The following ZNF385D variants were observed in gnomAD, a reference collection of about 807,000 sequenced individuals.
ZNF385D encodes the protein zinc finger protein 385D.
Under a neutral mutation model 35.8 loss-of-function variants are expected in ZNF385D, and 15 were observed. The ratio of observed to expected loss-of-function variants is 0.42; its 90% CI spans 0.28 to 0.64. ZNF385D has a LOEUF of 0.64. Among genes scored for constraint, ZNF385D ranks in the 30% least tolerant of loss-of-function variants. The pLI, the probability that ZNF385D is intolerant of heterozygous loss-of-function variation, is 0.23. For synonymous variants in ZNF385D, 212 were observed against 186.8 expected, an observed-to-expected ratio of 1.13 and a Z score of -1.10; for missense variants, 474 against 494.6, an observed-to-expected ratio of 0.96 and a Z score of 0.39.
chr3:22,342,569 T>C (rs1695474838), intron 2 of ZNF385D, among the ~76,000 whole-genome samples: 1 of 152,090 alleles, frequency 6.6e-6, no homozygotes, highest in African/African-American at 2.4e-5. Flanking sequence ...GTATGACAAT[T>C]ACCCAAAGAA....
intron 3 of ZNF385D, among the ~76,000 whole-genome samples, chr3:21,535,180 C>T (rs2062008570): frequency 6.6e-6 from 1 of 152,126 alleles, no homozygotes; most frequent in South Asian, 2.1e-4. Context: ...CAGTACCTAT[C>T]ACTGATCCTG....
At chr3:22,328,266 T>C (rs1336154660) in intron 2 of ZNF385D, among the ~76,000 whole-genome samples, 1 of 152,100 alleles carries the variant, frequency 6.6e-6, no homozygotes, top group East Asian at 1.9e-4. Flanking sequence ...GGAGTCCTTT[T>C]TTTCTCCCCT....
intron 3 of ZNF385D, among the ~76,000 whole-genome samples, chr3:22,088,414 C>A (rs1240008626): frequency 1.3e-5 from 2 of 152,138 alleles, no homozygotes; most frequent in Non-Finnish European, 2.9e-5. Context: ...TTGTTGTATC[C>A]TAGGACACTT....
intron 3 of ZNF385D, among the ~76,000 whole-genome samples, chr3:21,981,320 G>A (rs1209893556): frequency 6.6e-6 from 1 of 152,108 alleles, no homozygotes; most frequent in Non-Finnish European, 1.5e-5. Flanking sequence ...AATGATCAGT[G>A]ATATAGAGAT....
intron 3 of ZNF385D, among the ~76,000 whole-genome samples, chr3:21,781,411 A>C (rs1273050738): frequency 6.6e-6 from 1 of 152,062 alleles, no homozygotes; most frequent in Admixed American, 6.6e-5. Flanking sequence ...TCCTCCTTAC[A>C]CTTCATCTGA....
At chr3:21,881,210 G>A (rs1168092997) in intron 3 of ZNF385D, among the ~76,000 whole-genome samples, 1 of 151,696 alleles carries the variant, frequency 6.6e-6, no homozygotes, top group Non-Finnish European at 1.5e-5. Context: ...ATTGAAAGAG[G>A]ATGTCATTTA....
intron 3 of ZNF385D, among the ~76,000 whole-genome samples, chr3:21,769,797 G>A: frequency 7.2e-6 from 1 of 138,056 alleles, no homozygotes; most frequent in Non-Finnish European, 1.5e-5. Flanking sequence ...TAAGCCAAAA[G>A]AAAAAAGCTG....
At chr3:22,344,286 C>A (rs11928943) in intron 2 of ZNF385D, among the ~76,000 whole-genome samples, 44,327 of 151,760 alleles carry the variant, frequency 0.29, 6,716 homozygotes, top group East Asian at 0.35. Context: ...TTCATCTCTA[C>A]TCACTACTGA....
intron 3 of ZNF385D, among the ~76,000 whole-genome samples, chr3:21,841,430 T>C (rs1250167889): frequency 2.1e-5 from 3 of 143,874 alleles, no homozygotes; most frequent in Non-Finnish European, 3.1e-5. Flanking sequence ...TTAAAGAACA[T>C]TTCATTTTAA....
At chr3:22,216,765 G>C (rs1006324062) in intron 2 of ZNF385D, among the ~76,000 whole-genome samples, 3 of 152,094 alleles carry the variant, frequency 2.0e-5, no homozygotes, top group African/African-American at 4.8e-5. Context: ...TTCCTTTGCA[G>C]TTAGAAGTGG....
At chr3:22,002,444 T>C (rs754360099) in intron 3 of ZNF385D, among the ~76,000 whole-genome samples, 3 of 152,036 alleles carry the variant, frequency 2.0e-5, no homozygotes, top group African/African-American at 4.8e-5. Context: ...TAAAAAGTCT[T>C]CCAGAAAAGA....
At chr3:22,261,416 A>G (rs1700625537) in intron 2 of ZNF385D, among the ~76,000 whole-genome samples, 1 of 152,030 alleles carries the variant, frequency 6.6e-6, no homozygotes. Flanking sequence ...AGGCTAGTAA[A>G]TAATCATTAA....
intron 2 of ZNF385D, among the ~76,000 whole-genome samples, chr3:22,254,472 TTA>T (rs1262257849): frequency 2.0e-5 from 3 of 151,872 alleles, no homozygotes; most frequent in African/African-American, 7.2e-5. Flanking sequence ...TTCCATGTGT[TTA>T]TATCAGTGTT....
chr3:21,963,786 C>T (rs1457266504), intron 3 of ZNF385D, among the ~76,000 whole-genome samples: 1 of 151,860 alleles, frequency 6.6e-6, no homozygotes, highest in Non-Finnish European at 1.5e-5. Flanking sequence ...TATGTATGCC[C>T]AGAATTCTAG....
intron 3 of ZNF385D, among the ~76,000 whole-genome samples, chr3:21,513,182 A>G (rs1214225513): frequency 4.6e-5 from 7 of 152,156 alleles, no homozygotes; most frequent in African/African-American, 1.7e-4. Context: ...CTACAAAGGA[A>G]GCCCACAAGT....
chr3:21,911,042 AG>A (rs1260286274), intron 3 of ZNF385D, among the ~76,000 whole-genome samples: 1 of 151,928 alleles, frequency 6.6e-6, no homozygotes, highest in Non-Finnish European at 1.5e-5. Flanking sequence ...TGTTGAGAGA[AG>A]GGTGCTTATT....
intron 3 of ZNF385D, among the ~76,000 whole-genome samples, chr3:21,776,361 G>A (rs943224293): frequency 3.9e-5 from 6 of 151,964 alleles, no homozygotes; most frequent in East Asian, 1.9e-4. Flanking sequence ...TCAAAAGATC[G>A]TGCCAATTTA....
chr3:22,075,500 T>C (rs1409669329), intron 3 of ZNF385D, among the ~76,000 whole-genome samples: 1 of 151,826 alleles, frequency 6.6e-6, no homozygotes, highest in Non-Finnish European at 1.5e-5. Flanking sequence ...ACTTTCCCAC[T>C]CTCTCCTTAA....
At chr3:21,617,069 A>G (rs796403656) in intron 2 of ZNF385D, among the ~76,000 whole-genome samples, 10 of 152,266 alleles carry the variant, frequency 6.6e-5, no homozygotes, top group African/African-American at 1.2e-4. Flanking sequence ...AATTTGAGCA[A>G]TCTCCTCTCT....
Sources: allele counts gnomAD v4.1 joint callset (sites outside exome capture counted in the v4.1 genomes callset), GRCh38; gene constraint gnomAD v4.1.1; transcripts MANE v1.5; gene names NCBI Gene and HGNC (gene_info 2026-07-23, HGNC 2026-07-21).